Variants in LYZL4 observed in about 807,000 individuals in gnomAD.
LYZL4 encodes the protein lysozyme-like protein 4.
LYZL4 carries 13 observed loss-of-function variants against 17.6 expected under a neutral mutation model. That is an observed-to-expected ratio of 0.74 (90% CI 0.48 to 1.18). LYZL4 has a LOEUF of 1.18. Among genes scored for constraint, LYZL4 ranks in the 50% most tolerant of loss-of-function variants. The pLI is 0.00. For synonymous variants in LYZL4, 64 were observed against 67.7 expected (o/e 0.95, Z 0.27); for missense variants, 174 against 188.2 (o/e 0.92, Z 0.44).
chr3:42,409,363 C>T (rs1402585977), intron 1 of LYZL4, among the ~76,000 whole-genome samples: 1 of 152,128 alleles, frequency 6.6e-6, no homozygotes. Context: ...ATGTATCAAA[C>T]CTGTACATTG....
chr3:42,400,672 T>G (rs1698637570), intron 4 of LYZL4, among the ~76,000 whole-genome samples: 1 of 152,220 alleles, frequency 6.6e-6, no homozygotes, highest in Admixed American at 6.5e-5. Context: ...TACTAAGATC[T>G]GAAAAATTGT....
chr3:42,403,585 C>T (rs1698697744), intron 4 of LYZL4, among the ~76,000 whole-genome samples: 2 of 152,034 alleles, frequency 1.3e-5, no homozygotes, highest in South Asian at 4.1e-4. Context: ...CAGTTATTCA[C>T]CTTTAAATCG....
At chr3:42,366,039 G>C in the LYZL4 span, among the ~76,000 whole-genome samples, 1 of 152,068 alleles carries the variant, frequency 6.6e-6, no homozygotes, top group African/African-American at 2.4e-5. Context: ...AGGCTGCTCT[G>C]TTCCAGGCAC....
the LYZL4 span, among the ~76,000 whole-genome samples, chr3:42,382,777 T>G: frequency 6.6e-5 from 10 of 151,762 alleles, no homozygotes; most frequent in African/African-American, 2.2e-4. Flanking sequence ...ATACATAAAC[T>G]TTCAAGGACA....
chr3:42,406,867 G>A lies in LYZL4; in HGVS notation c.271C>T (p.Arg91Cys), dbSNP rs1315420425. ...TTACCGGAACATGACATATGGCAGC[G>A]GTTCCTGCCATGGTCGCCACACCAG... ...SDWCGDHGRN[R>C]CHMSCSALLN... Residue 91 changes from arginine (R) to cysteine (C), a missense_variant, in exon 3 of 5, where the codon CGC becomes TGC. By Grantham distance (180) the Arg-to-Cys change is radical. Coordinates refer to ENST00000287748, the MANE Select transcript of LYZL4 (RefSeq NM_144634.4). 22 of 1,614,144 alleles carry A rather than the reference G, an allele frequency of 1.4e-5. No individual in the cohort carries two copies. The highest frequency in any genetic ancestry group is 2.2e-5 in the East Asian group (1 of 44,878).
rs1175768977 is a variant in LYZL4 at position 42,406,878 on chromosome 3, T to C, written c.260A>G (p.His87Arg). ...QMRGSDWCGD[H>R]GRNRCHMSCS... is the part of the protein sequence containing the mutation. ...TGACATATGGCAGCGGTTCCTGCCA[T>C]GGTCGCCACACCAGTCACTGCCACG... Residue 87 changes from histidine (H) to arginine (R), a missense_variant, in exon 3 of 5, where the codon CAT (histidine) becomes CGT (arginine). Transcript: ENST00000287748. 10 of 1,614,216 alleles carry C rather than the reference T, an allele frequency of 6.2e-6. No homozygotes were observed. Among genetic ancestry groups the C allele is most frequent in the Non-Finnish European group, 8.5e-6 (10 of 1,180,050 alleles).
At chr3:42,381,611 C>G in the LYZL4 span, among the ~76,000 whole-genome samples, 1 of 152,144 alleles carries the variant, frequency 6.6e-6, no homozygotes. Context: ...TTGGAATGTT[C>G]TGGAAGGAAA....
chr3:42,397,365 T>C, intron 4 of LYZL4, 31 bp from the exon 5 acceptor site: 1 of 1,495,906 alleles, frequency 6.7e-7, no homozygotes, highest in Middle Eastern at 1.7e-4. Flanking sequence ...GAAGGGCTCC[T>C]CAAAGTCAGA....
Position 42,406,835 on chromosome 3 carries a change from G to T in LYZL4, c.292+11C>A, listed in dbSNP as rs766120210. 6.2e-7 allele frequency: 1 copy of T among 1,613,510 alleles called. No individual in the cohort carries two copies. The highest frequency in any genetic ancestry group is 2.2e-5 in the East Asian group (1 of 44,892). Reference sequence around the variant, plus strand: ...CCAGTGCCCCCGCACGGAATGGAAAGAGGGACTTACCGGAACATGACATAT... The same window carrying T: ...CCAGTGCCCCCGCACGGAATGGAAATAGGGACTTACCGGAACATGACATAT... On this transcript the variant is annotated intron_variant, in intron 3 of 4. Transcript: ENST00000287748.
chr3:42,392,301 T>G (rs1211219006), downstream of LYZL4, among the ~76,000 whole-genome samples: 2 of 152,084 alleles, frequency 1.3e-5, no homozygotes, highest in Non-Finnish European at 2.9e-5. Context: ...GATGTGGGGA[T>G]GGGGCTGCAG....
At chr3:42,382,168 C>G in the LYZL4 span, among the ~76,000 whole-genome samples, 1 of 152,254 alleles carries the variant, frequency 6.6e-6, no homozygotes, top group African/African-American at 2.4e-5. Context: ...ATAACTACAA[C>G]TGATATTTGC....
the LYZL4 span, among the ~76,000 whole-genome samples, chr3:42,362,570 G>A: frequency 6.6e-6 from 1 of 152,182 alleles, no homozygotes. Context: ...GAACCTTCTA[G>A]CTGTGTCCTC....
chr3:42,362,662 G>A, the LYZL4 span, among the ~76,000 whole-genome samples: 7 of 152,176 alleles, frequency 4.6e-5, 1 homozygote, highest in Admixed American at 3.3e-4. Context: ...CCACCCTCAC[G>A]ACCTAATCAT....
At chr3:42,393,710 C>G (rs1698517719), downstream of LYZL4, among the ~76,000 whole-genome samples, 1 of 152,206 alleles carries the variant, frequency 6.6e-6, no homozygotes, top group Non-Finnish European at 1.5e-5. Context: ...CACAGATTCC[C>G]TGGACCACAT....
the LYZL4 span, among the ~76,000 whole-genome samples, chr3:42,366,313 C>T: frequency 2.6e-5 from 4 of 152,294 alleles, no homozygotes; most frequent in African/African-American, 9.6e-5. Flanking sequence ...GCCTTGGAAG[C>T]CACTGCCCAT....
chr3:42,372,568 G>C, the LYZL4 span, among the ~76,000 whole-genome samples: 1 of 152,182 alleles, frequency 6.6e-6, no homozygotes, highest in Non-Finnish European at 1.5e-5. Context: ...GTCCCACTGG[G>C]CACCTTTAAG....
downstream of LYZL4, among the ~76,000 whole-genome samples, chr3:42,396,892 C>A (rs1698557639): frequency 6.6e-6 from 1 of 152,222 alleles, no homozygotes; most frequent in Non-Finnish European, 1.5e-5. Context: ...CTCTTCTTTC[C>A]TCTTTGGTTC....
chr3:42,383,250 G>A, the LYZL4 span, among the ~76,000 whole-genome samples: 4 of 152,074 alleles, frequency 2.6e-5, no homozygotes, highest in Admixed American at 2.0e-4. Flanking sequence ...CTGGCTCCAA[G>A]AATGGGGCAG....
chr3:42,369,676 C>A, the LYZL4 span, among the ~76,000 whole-genome samples: 13 of 152,284 alleles, frequency 8.5e-5, no homozygotes, highest in Middle Eastern at 3.4e-3. Flanking sequence ...ACTTTGGGAG[C>A]TTTGCTCCCC....
Sources: gnomAD v4.1 joint callset for allele counts (sites outside exome capture counted in the v4.1 genomes callset) on GRCh38, gnomAD v4.1.1 for gene constraint, MANE v1.5 for transcripts, NCBI Gene and HGNC (gene_info 2026-07-23, HGNC 2026-07-21) for gene names.